The following PDIA5 variants were observed in gnomAD, a reference collection of about 807,000 sequenced individuals.
PDIA5 encodes the protein protein disulfide isomerase family A member 5, also known as protein disulfide-isomerase A5.
A neutral mutation model predicts 77.6 loss-of-function variants in PDIA5; 58 were observed. The ratio of observed to expected loss-of-function variants is 0.75; its 90% confidence interval spans 0.61 to 0.93. The LOEUF is 0.93. Among genes scored for constraint, PDIA5 ranks in the 40% least tolerant of loss-of-function variants. PDIA5 has a pLI of 0.00. For synonymous variants in PDIA5, 250 were observed against 252.1 expected (o/e 0.99, Z 0.08); for missense variants, 630 against 647.7 (o/e 0.97, Z 0.30).
intron 1 of PDIA5, among the ~76,000 whole-genome samples, chr3:123,074,493 T>A (rs771193490): frequency 9.3e-5 from 14 of 149,812 alleles, no homozygotes; most frequent in Non-Finnish European, 1.5e-4. Context: ...AATACAGTTA[T>A]CAAAATATAA....
chr3:123,134,109 G>A (rs1935435418), intron 11 of PDIA5, among the ~76,000 whole-genome samples: 1 of 151,660 alleles, frequency 6.6e-6, no homozygotes. Context: ...CTGCAGCCTC[G>A]ACCTCCTGGA....
intron 13 of PDIA5, among the ~76,000 whole-genome samples, chr3:123,150,027 C>A (rs1191288870): frequency 2.6e-5 from 4 of 152,252 alleles, no homozygotes; most frequent in Non-Finnish European, 4.4e-5. Context: ...CCTTAATGGG[C>A]TCCTCAGAGG....
At chr3:123,127,041 T>A (rs1935257655) in intron 10 of PDIA5, among the ~76,000 whole-genome samples, 1 of 152,236 alleles carries the variant, frequency 6.6e-6, no homozygotes, top group African/African-American at 2.4e-5. Flanking sequence ...GTGATCCATT[T>A]TGGGCAGGGT....
chr3:123,139,431 G>A (rs1441380186), intron 11 of PDIA5, among the ~76,000 whole-genome samples: 1 of 152,214 alleles, frequency 6.6e-6, no homozygotes, highest in Non-Finnish European at 1.5e-5. Context: ...AACTCTGTTT[G>A]CAGAAGTTTA....
At chr3:123,072,076 T>C (rs1933738239) in intron 1 of PDIA5, among the ~76,000 whole-genome samples, 1 of 138,698 alleles carries the variant, frequency 7.2e-6, no homozygotes, top group South Asian at 2.6e-4. Flanking sequence ...TGATGAAAGC[T>C]GCCCTTTTAA....
intron 11 of PDIA5, among the ~76,000 whole-genome samples, chr3:123,143,386 CAAAAAAAA>C (rs34525470): frequency 2.0e-5 from 2 of 101,922 alleles, no homozygotes; most frequent in South Asian, 6.8e-4. Flanking sequence ...GACTCCATCT[CAAAAAAAA>C]AAAAAAAAAA....
At chr3:123,148,382 A>G (rs1935815421) in intron 13 of PDIA5, among the ~76,000 whole-genome samples, 1 of 152,036 alleles carries the variant, frequency 6.6e-6, no homozygotes, top group Non-Finnish European at 1.5e-5. Flanking sequence ...AGCCTGGGCA[A>G]CATAGTGAGA....
At chr3:123,099,782 G>A (rs1237179662) in intron 3 of PDIA5, among the ~76,000 whole-genome samples, 1 of 152,250 alleles carries the variant, frequency 6.6e-6, no homozygotes, top group African/African-American at 2.4e-5. Flanking sequence ...CCCACAGAGT[G>A]GACCAGGATT....
chr3:123,156,006 A>G (rs149261055), intron 15 of PDIA5, among the ~76,000 whole-genome samples: 4 of 152,180 alleles, frequency 2.6e-5, no homozygotes, highest in African/African-American at 7.2e-5. Context: ...CCTCACAAGC[A>G]GAGACAGATG....
chr3:123,120,329 C>T (rs911473045), intron 8 of PDIA5, among the ~76,000 whole-genome samples: 1 of 152,212 alleles, frequency 6.6e-6, no homozygotes, highest in African/African-American at 2.4e-5. Context: ...TCCATTTCTC[C>T]ATCTGTAAAA....
intron 8 of PDIA5, among the ~76,000 whole-genome samples, chr3:123,122,195 A>G (rs1300500941): frequency 6.6e-6 from 1 of 152,218 alleles, no homozygotes; most frequent in Non-Finnish European, 1.5e-5. Flanking sequence ...GGTTTTGTGC[A>G]GGGAAGTGAT....
chr3:123,067,192 C>A lies in PDIA5; in HGVS notation c.28C>A (p.Leu10Met). MARAGPAWL[L>M]LAIWVVLPSW... ...GGCGCGGGCCGGGCCGGCGTGGCTG[C>A]TGCTGGCAATCTGGGTGAGACTGTG... is the stretch of plus-strand genomic sequence containing the variant. Residue 10 changes from leucine to methionine, a missense_variant, in exon 1 of 17, where the codon CTG (leucine) becomes ATG (methionine). Leu to Met is a conservative substitution (Grantham distance 15). Coordinates refer to ENST00000316218, the MANE Select transcript of PDIA5 (RefSeq NM_006810.4). 8.0e-7 allele frequency: 1 copy of A among 1,247,906 alleles called. No homozygotes were observed. Among genetic ancestry groups the A allele is most frequent in the Non-Finnish European group, 1.0e-6 (1 of 990,510 alleles). The allele number at this position is 1,247,906 out of a possible 1,614,324, so 77.3% of individuals were successfully genotyped here.
At chr3:123,151,019 T>C (rs1346947401) in intron 14 of PDIA5, among the ~76,000 whole-genome samples, 1 of 152,082 alleles carries the variant, frequency 6.6e-6, no homozygotes, top group Non-Finnish European at 1.5e-5. Flanking sequence ...CTTAATGGAG[T>C]GAGGATAATA....
At chr3:123,102,261 C>T (rs2717233) in intron 3 of PDIA5, 150 bp from the exon 4 acceptor site, 579,925 of 653,278 alleles carry the variant, frequency 0.89, 259,807 homozygotes, top group Non-Finnish European at 0.93. Context: ...CACCCTCTAG[C>T]TCTCACAGCC....
At chr3:123,081,860 C>G (rs557742783) in intron 1 of PDIA5, among the ~76,000 whole-genome samples, 1 of 152,336 alleles carries the variant, frequency 6.6e-6, no homozygotes, top group East Asian at 1.9e-4. Context: ...AAGGACTGTT[C>G]TCCCTGATTA....
intron 10 of PDIA5, among the ~76,000 whole-genome samples, chr3:123,127,851 C>T (rs1332955395): frequency 6.6e-6 from 1 of 152,248 alleles, no homozygotes; most frequent in African/African-American, 2.4e-5. Flanking sequence ...AGCCTTCCCT[C>T]ATTCAAGGAA....
rs770747824 is a variant in PDIA5, at chr3:123,145,553, G to A, written c.942G>A (p.Glu314=). ...GCCACTGTAAGAAAATGAAGCCGGAGTTTGAGAAGGCAGCAGAAGCCCTCC... is the reference window on the plus strand; with the variant it reads ...GCCACTGTAAGAAAATGAAGCCGGAATTTGAGAAGGCAGCAGAAGCCCTCC... The part of the protein sequence containing the change: ...WCGHCKKMKP[E]FEKAAEALHG... Residue 314 remains glutamate (E), a synonymous_variant, in exon 12 of 17, where the codon GAG becomes GAA. Coordinates refer to ENST00000316218, the MANE Select transcript of PDIA5 (RefSeq NM_006810.4). 11 of 1,613,950 alleles carry A rather than the reference G, an allele frequency of 6.8e-6. No individual in the cohort carries two copies. Among genetic ancestry groups the A allele is most frequent in the African/African-American group, 1.3e-5 (1 of 74,944 alleles).
At chr3:123,122,415 A>G (rs1047743533) in intron 8 of PDIA5, among the ~76,000 whole-genome samples, 1 of 152,104 alleles carries the variant, frequency 6.6e-6, no homozygotes, top group Non-Finnish European at 1.5e-5. Flanking sequence ...TTCTTCCTGT[A>G]TTATTTGCTG....
At chr3:123,107,252 G>A (rs1378195156) in intron 6 of PDIA5, among the ~76,000 whole-genome samples, 1 of 152,018 alleles carries the variant, frequency 6.6e-6, no homozygotes, top group Non-Finnish European at 1.5e-5. Flanking sequence ...AGAGACTTGA[G>A]GCAGATCTCT....
Sources: gnomAD v4.1 joint callset for allele counts (sites outside exome capture counted in the v4.1 genomes callset) on GRCh38, gnomAD v4.1.1 for gene constraint, MANE v1.5 for transcripts, NCBI Gene and HGNC (gene_info 2026-07-23, HGNC 2026-07-21) for gene names.